Variants in ATRX observed in about 807,000 individuals in gnomAD.
The protein encoded by ATRX is chromatin remodeler ATRX.
In ATRX, 12 loss-of-function variants were observed where a neutral mutation model predicts 172.6. That is an observed-to-expected ratio of 0.07 (90% confidence interval 0.04 to 0.11). The LOEUF is 0.11. Among genes scored for constraint, ATRX ranks in the 10% least tolerant of loss-of-function variants. The pLI, the probability that ATRX is intolerant of heterozygous loss-of-function variation, is 1.00. For synonymous variants in ATRX, 674 were observed against 594.7 expected, an observed-to-expected ratio of 1.13 and a Z score of -1.94; for missense variants, 1,368 against 1,767.4, an observed-to-expected ratio of 0.77 and a Z score of 4.05.
At chrX:77,640,237 G>A (rs782657958) in intron 15 of ATRX, among the ~76,000 whole-genome samples, 5 of 111,236 alleles carry the variant, frequency 4.5e-5, no homozygotes, top group Admixed American at 1.9e-4. Context: ...TCACTACCAC[G>A]GTGATGGGAT....
intron 1 of ATRX, among the ~76,000 whole-genome samples, chrX:77,732,319 A>C (rs1442307205): frequency 1.8e-5 from 2 of 111,999 alleles, no homozygotes; most frequent in African/African-American, 6.5e-5. Context: ...CAGGCTGAGT[A>C]AACATTCGCC....
At chrX:77,546,439 C>T (rs996102868) in intron 30 of ATRX, among the ~76,000 whole-genome samples, 1 of 110,987 alleles carries the variant, frequency 9.0e-6, no homozygotes, top group Non-Finnish European at 1.9e-5. Context: ...AATAGATTCC[C>T]AAGGCCTACC....
At chrX:77,620,348 T>A in intron 20 of ATRX, 47 bp downstream of exon 20, 1 of 1,178,524 alleles carries the variant, frequency 8.5e-7, no homozygotes, top group Non-Finnish European at 1.2e-6. Context: ...AAAATATATC[T>A]GAGGAAATAC....
intron 22 of ATRX, 103 bp from the exon 23 acceptor site, chrX:77,600,667 G>T: frequency 1.1e-6 from 1 of 888,884 alleles, no homozygotes; most frequent in Non-Finnish European, 1.6e-6. Context: ...ACTTTTGGCA[G>T]TGTAGAGAAG....
intron 22 of ATRX, among the ~76,000 whole-genome samples, chrX:77,608,442 C>T (rs528800823): frequency 2.7e-5 from 3 of 109,367 alleles, no homozygotes; most frequent in African/African-American, 1.0e-4. Flanking sequence ...CACACACCTA[C>T]AGTGAACGCA....
chrX:77,771,429 A>G lies in ATRX; in HGVS notation c.20+14553T>C, dbSNP rs138414281. On this transcript the variant is annotated intron_variant, in intron 1 of 34. Transcript: ENST00000373344. ...ACCCCAACTAGCATCCTTCTTTCCA[A>G]TTCTACCTCCCATATTCTCTCCAAT... Among the ~76,000 whole-genome samples the G allele has an allele frequency of 7.8e-4, 85 of 108,835 alleles. 1 individual carries two copies. In the East Asian group the frequency reaches 0.022, roughly 28 times the overall value. The allele number at this position is 108,835 out of a possible 115,157, so 94.5% of individuals were successfully genotyped here.
intron 27 of ATRX, among the ~76,000 whole-genome samples, chrX:77,581,670 T>C (rs2065828685): frequency 8.9e-6 from 1 of 112,079 alleles, no homozygotes; most frequent in African/African-American, 3.2e-5. Flanking sequence ...ACACTTTATC[T>C]ACACTATAGA....
At chrX:77,773,045 C>T (rs1457073666) in intron 1 of ATRX, among the ~76,000 whole-genome samples, 3 of 77,455 alleles carry the variant, frequency 3.9e-5, no homozygotes, top group Non-Finnish European at 7.0e-5. Context: ...CAGAGTCTCA[C>T]TATGTTGCCC....
chrX:77,522,293 G>C lies in ATRX; in HGVS notation c.6945C>G (p.Ala2315=). The C allele has an allele frequency of 8.3e-7, 1 of 1,210,464 alleles. No individual in the cohort carries two copies. The highest frequency in any genetic ancestry group is 1.1e-6 in the Non-Finnish European group (1 of 894,680). Residue 2315 remains alanine, a synonymous_variant, in exon 32 of 35, where the codon GCC becomes GCG. Coordinates refer to ENST00000373344, the MANE Select transcript of ATRX (RefSeq NM_000489.6). ...GCTGTTGATTACTCATTGCTGACAGGGCTCCCAAATTGAAAGGAATATAAG... is the reference window on the plus strand; with the variant it reads ...GCTGTTGATTACTCATTGCTGACAGCGCTCCCAAATTGAAAGGAATATAAG... ...QTPYIPFNLG[A]LSAMSNQQLE... is the part of the protein sequence containing the mutation.
At chrX:77,733,549 T>C (rs2074390619) in intron 1 of ATRX, among the ~76,000 whole-genome samples, 1 of 109,289 alleles carries the variant, frequency 9.2e-6, no homozygotes, top group Non-Finnish European at 1.9e-5. Context: ...CGAGAACATA[T>C]GCTGGGGAAA....
At chrX:77,755,462 T>C (rs1376302538) in intron 1 of ATRX, among the ~76,000 whole-genome samples, 1 of 112,476 alleles carries the variant, frequency 8.9e-6, no homozygotes, top group Non-Finnish European at 1.9e-5. Flanking sequence ...TTTCCTCATC[T>C]TCGTGGATTT....
intron 1 of ATRX, among the ~76,000 whole-genome samples, chrX:77,753,675 T>C (rs781805397): frequency 4.5e-5 from 5 of 112,136 alleles, no homozygotes; most frequent in African/African-American, 6.5e-5. Context: ...TTTGTTCTCA[T>C]TGGTTTCAAA....
chrX:77,722,883 C>A (rs2073845911), intron 1 of ATRX, among the ~76,000 whole-genome samples: 1 of 111,951 alleles, frequency 8.9e-6, no homozygotes, highest in South Asian at 3.7e-4. Context: ...TATAAAGACA[C>A]ATGCACACAT....
At chrX:77,728,764 C>T (rs1603283009) in intron 1 of ATRX, among the ~76,000 whole-genome samples, 1 of 94,097 alleles carries the variant, frequency 1.1e-5, no homozygotes, top group Admixed American at 1.2e-4. Flanking sequence ...CTTTTCTTTT[C>T]TTTTTTTTTT....
intron 22 of ATRX, among the ~76,000 whole-genome samples, chrX:77,607,729 AAG>A (rs1199881000): frequency 1.1e-4 from 12 of 107,124 alleles, no homozygotes; most frequent in African/African-American, 4.1e-4. Context: ...AAAAAAAAAA[AAG>A]AAGTAAAAGA....
intron 26 of ATRX, 90 bp from the exon 27 acceptor site, chrX:77,590,030 G>T: frequency 1.2e-6 from 1 of 807,181 alleles, no homozygotes; most frequent in Non-Finnish European, 1.8e-6. Flanking sequence ...TAACACAATT[G>T]TAACAAAAAT....
At chrX:77,640,740 T>C (rs1332351511) in intron 15 of ATRX, among the ~76,000 whole-genome samples, 2 of 111,509 alleles carry the variant, frequency 1.8e-5, no homozygotes, top group Admixed American at 9.5e-5. Context: ...ACTGGAGATA[T>C]ATCAAGTTGA....
At chrX:77,745,270 A>T (rs376947035) in intron 1 of ATRX, among the ~76,000 whole-genome samples, 2 of 110,234 alleles carry the variant, frequency 1.8e-5, no homozygotes, top group South Asian at 7.8e-4. Flanking sequence ...CAGTATATCA[A>T]AGAGTTATCT....
intron 13 of ATRX, among the ~76,000 whole-genome samples, chrX:77,655,071 G>C (rs1186243201): frequency 9.0e-6 from 1 of 111,201 alleles, no homozygotes; most frequent in East Asian, 2.8e-4. Context: ...ACTTATATGA[G>C]GTTCCTAGAG....
Sources: gnomAD v4.1 joint callset for allele counts (sites outside exome capture counted in the v4.1 genomes callset) on GRCh38, gnomAD v4.1.1 for gene constraint, MANE v1.5 for transcripts, NCBI Gene and HGNC (gene_info 2026-07-23, HGNC 2026-07-21) for gene names.